The following MAST4 variants were observed in gnomAD, a reference collection of about 807,000 sequenced individuals.
MAST4 encodes the protein microtubule associated serine/threonine kinase family member 4, also known as microtubule-associated serine/threonine-protein kinase 4.
Under a neutral mutation model 162.7 loss-of-function variants are expected in MAST4, and 89 were observed. The observed-to-expected ratio is 0.55, with a 90% CI of 0.46 to 0.65. The LOEUF (loss-of-function observed/expected upper bound fraction) is 0.65. MAST4 is among the 30% of genes least tolerant of loss of function. The probability of loss-of-function intolerance (pLI) is 0.00; values close to 1 mark genes in which losing one functional copy is unlikely to be tolerated. For synonymous variants in MAST4, 1,479 were observed against 1,361.1 expected, an observed-to-expected ratio of 1.09 and a Z score of -1.91; for missense variants, 3,153 against 3,374.0, an observed-to-expected ratio of 0.93 and a Z score of 1.62.
At chr5:67,128,372 A>G (rs2150982442) in intron 14 of MAST4, among the ~76,000 whole-genome samples, 1 of 152,344 alleles carries the variant, frequency 6.6e-6, no homozygotes, top group South Asian at 2.1e-4. Flanking sequence ...GAATAACAGC[A>G]CTAGATCATT....
intron 3 of MAST4, among the ~76,000 whole-genome samples, chr5:66,839,478 AT>A (rs1473726388): frequency 6.6e-6 from 1 of 152,202 alleles, no homozygotes; most frequent in Non-Finnish European, 1.5e-5. Context: ...CATAATGTGT[AT>A]TTTAACACTT....
At chr5:66,945,972 G>A (rs1350629997) in intron 4 of MAST4, among the ~76,000 whole-genome samples, 1 of 152,140 alleles carries the variant, frequency 6.6e-6, no homozygotes, top group Non-Finnish European at 1.5e-5. Flanking sequence ...ATATTTGTGT[G>A]TTAGGTAGAA....
In MAST4 at chr5:67,012,939, CA is replaced by C. The variant is rs559488598; in HGVS notation, c.675-41464del. Reference sequence around the variant, plus strand: ...TTATTTTAAAGAAAAAAGACCATAGCAGAGAATTTAGGCTTTGATCAGTACT... The same window carrying C: ...TTATTTTAAAGAAAAAAGACCATAGCGAGAATTTAGGCTTTGATCAGTACT... On this transcript the variant is annotated intron_variant, in intron 4 of 28. Coordinates refer to ENST00000403625, the MANE Select transcript of MAST4 (RefSeq NM_001164664.2). Among the ~76,000 whole-genome samples, 186 of 152,214 alleles carry C rather than the reference CA, an allele frequency of 1.2e-3. 2 individuals are homozygous for C. Among genetic ancestry groups the C allele is most frequent in the Non-Finnish European group, 1.7e-3 (116 of 68,010 alleles).
chr5:66,703,541 GGGATGCAGCAAT>G (rs1749918423), intron 1 of MAST4, among the ~76,000 whole-genome samples: 2 of 152,164 alleles, frequency 1.3e-5, no homozygotes, highest in African/African-American at 2.4e-5. Context: ...GAACTCTATA[GGGATGCAGCAAT>G]GGATGCAGCA....
intron 2 of MAST4, among the ~76,000 whole-genome samples, chr5:66,776,285 C>T (rs1754598871): frequency 6.6e-6 from 1 of 152,152 alleles, no homozygotes; most frequent in Non-Finnish European, 1.5e-5. Context: ...TGTTTTGTGT[C>T]TCAGGGTTGC....
chr5:66,903,604 G>T (rs1006645527), intron 4 of MAST4, among the ~76,000 whole-genome samples: 1 of 152,118 alleles, frequency 6.6e-6, no homozygotes, highest in Non-Finnish European at 1.5e-5. Context: ...GATAAATTGT[G>T]ATAATCTTGA....
At chr5:66,912,441 T>TA (rs1212422538) in intron 4 of MAST4, among the ~76,000 whole-genome samples, 7 of 152,212 alleles carry the variant, frequency 4.6e-5, no homozygotes, top group Admixed American at 2.0e-4. Context: ...ACTTAAATGC[T>TA]AAAACCAGTC....
intron 4 of MAST4, among the ~76,000 whole-genome samples, chr5:66,964,726 T>C (rs925819453): frequency 9.6e-4 from 146 of 152,170 alleles, no homozygotes; most frequent in African/African-American, 3.4e-3. Flanking sequence ...TGGCGTGAAC[T>C]CGGGAGGCGG....
intron 1 of MAST4, among the ~76,000 whole-genome samples, chr5:66,713,044 C>A (rs182470514): frequency 6.6e-6 from 1 of 152,208 alleles, no homozygotes; most frequent in Non-Finnish European, 1.5e-5. Context: ...ACATATTCCC[C>A]CATGCCTACC....
At chr5:66,890,713 G>A (rs194469) in intron 3 of MAST4, among the ~76,000 whole-genome samples, 70,692 of 151,890 alleles carry the variant, frequency 0.47, 16,813 homozygotes, top group East Asian at 0.67. Flanking sequence ...GGTCTGTGGT[G>A]CAAAAGTATC....
chr5:66,919,955 TCCTTCCTTCCTTCCTTCCTTCTTTCTC>T (rs1561446221), intron 4 of MAST4, among the ~76,000 whole-genome samples: 11 of 119,598 alleles, frequency 9.2e-5, no homozygotes, highest in Admixed American at 1.9e-4. Context: ...CTTCCTTCCT[TCCTTCCTTCCTTCCTTCCTTCTTTCTC>T]TCTCTCTCTC....
chr5:67,149,372 C>G lies in MAST4; in HGVS notation c.3095-17C>G, dbSNP rs1771505717. ...CTGGATTTTCCTGAATGTGTTTATC[C>G]CTTCTTCTTTGTACAGTTGGCAGTT... On this transcript the variant is annotated splice_polypyrimidine_tract_variant and intron_variant, in intron 23 of 28. Coordinates refer to ENST00000403625, the MANE Select transcript of MAST4 (RefSeq NM_001164664.2). The G allele has an allele frequency of 6.2e-7, 1 of 1,605,850 alleles. No individual in the cohort carries two copies. The highest frequency in any genetic ancestry group is 8.5e-7 in the Non-Finnish European group (1 of 1,175,886).
At chr5:66,613,371 G>A (rs143501747) in intron 1 of MAST4, among the ~76,000 whole-genome samples, 130 of 144,824 alleles carry the variant, frequency 9.0e-4, no homozygotes, top group African/African-American at 3.0e-3. Flanking sequence ...GTCTTCCTCT[G>A]CTTTGGGAAG....
chr5:66,624,891 C>G (rs61597595), intron 1 of MAST4, among the ~76,000 whole-genome samples: 3,362 of 152,246 alleles, frequency 0.022, 126 homozygotes, highest in African/African-American at 0.077. Context: ...ATAAGACTTG[C>G]AATTGTAAAA....
intron 3 of MAST4, among the ~76,000 whole-genome samples, chr5:66,850,566 T>C (rs1759231825): frequency 6.6e-6 from 1 of 152,166 alleles, no homozygotes. Context: ...CGTGTGTGGA[T>C]TGGTCACAGT....
intron 1 of MAST4, among the ~76,000 whole-genome samples, chr5:66,741,522 C>T (rs1189023607): frequency 6.6e-6 from 1 of 152,066 alleles, no homozygotes; most frequent in Non-Finnish European, 1.5e-5. Flanking sequence ...ACATAAAGAA[C>T]GAGTGTGGCT....
intron 14 of MAST4, among the ~76,000 whole-genome samples, chr5:67,122,264 C>G (rs1000577924): frequency 1.3e-5 from 2 of 152,114 alleles, no homozygotes; most frequent in African/African-American, 4.8e-5. Flanking sequence ...GCAGATGAAA[C>G]AAAAGAAGTT....
At chr5:66,904,817 C>T (rs193025246) in intron 4 of MAST4, among the ~76,000 whole-genome samples, 8 of 149,260 alleles carry the variant, frequency 5.4e-5, no homozygotes, top group Admixed American at 1.3e-4. Context: ...AGATTTGCTA[C>T]AGGAGTATAT....
intron 4 of MAST4, among the ~76,000 whole-genome samples, chr5:66,952,135 C>A (rs1317449129): frequency 6.6e-6 from 1 of 152,032 alleles, no homozygotes; most frequent in Non-Finnish European, 1.5e-5. Context: ...CAATGATGAA[C>A]CCTCTCTGAG....
Sources: gnomAD v4.1 joint callset for allele counts (sites outside exome capture counted in the v4.1 genomes callset) on GRCh38, gnomAD v4.1.1 for gene constraint, MANE v1.5 for transcripts, NCBI Gene and HGNC (gene_info 2026-07-23, HGNC 2026-07-21) for gene names.